MYZAP: variants seen among roughly 807,000 people sequenced by gnomAD.
The protein encoded by MYZAP is GRINL1A complex locus upstream.
MYZAP carries 66 observed loss-of-function variants against 69.4 expected under a neutral mutation model. That is an observed-to-expected ratio of 0.95 (90% CI 0.78 to 1.17). MYZAP has a LOEUF of 1.17. Ranked by LOEUF, MYZAP falls within the 50% of genes most tolerant of loss-of-function variation. MYZAP has a pLI of 0.00. For missense variants in MYZAP, 611 were observed against 556.2 expected (o/e 1.10, Z -0.99); for synonymous variants, 256 against 205.9 (o/e 1.24, Z -2.09).
At chr15:57,627,902 C>A (rs1394715917) in intron 5 of MYZAP, among the ~76,000 whole-genome samples, 7 of 152,112 alleles carry the variant, frequency 4.6e-5, no homozygotes, top group African/African-American at 1.7e-4. Flanking sequence ...CCTTGAAGCT[C>A]AAATGTTCTG....
chr15:57,642,502 C>T lies in MYZAP; in HGVS notation c.1119+2957C>T, dbSNP rs565538018. On this transcript the variant is annotated intron_variant, in intron 10 of 12. Coordinates refer to ENST00000267853, the MANE Select transcript of MYZAP (RefSeq NM_001018100.5). ...GCATATAGGCAGCCTTTAAGTGTAG[C>T]GGATGTTAAGGACCCTTTTTCTTCC... Among the ~76,000 whole-genome samples, 9 of 152,254 alleles carry T rather than the reference C, an allele frequency of 5.9e-5. No homozygotes were observed. In the East Asian group the frequency reaches 7.7e-4, roughly 13 times the overall value.
intron 7 of MYZAP, 53 bp downstream of exon 7, chr15:57,632,612 ATTG>A: frequency 6.2e-7 from 1 of 1,607,748 alleles, no homozygotes. Flanking sequence ...TTGGTTCATT[ATTG>A]TTGGTGATGT....
At position 57,639,450 on chromosome 15, in the gene MYZAP, T is replaced by C. The variant is rs1304380147; in HGVS notation, c.1024T>C (p.Leu342=). The stretch of plus-strand genomic sequence containing the variant: ...TCCTATTTGTGTTAGGTATCAGCAG[T>C]TGGAGGAGGCATCAGCCAGCCTCCG... The part of the protein sequence containing the change: ...TDSDKERYQQ[L]EEASASLRER... The change falls in exon 10 of 13, where the codon TTG becomes CTG. Residue 342 remains leucine, a synonymous_variant. Coordinates refer to ENST00000267853, the MANE Select transcript of MYZAP (RefSeq NM_001018100.5). The C allele has an allele frequency of 6.2e-7, 1 of 1,613,944 alleles. No homozygotes were observed. The highest frequency in any genetic ancestry group is 1.3e-5 in the African/African-American group (1 of 74,934).
At position 57,657,025 on chromosome 15, in the gene MYZAP, C is replaced by T. The variant is rs146287913; in HGVS notation, c.1120-4425C>T. Among the ~76,000 whole-genome samples, 23 of 152,276 alleles carry T rather than the reference C, an allele frequency of 1.5e-4. No individual in the cohort carries two copies. The East Asian group carries it at 4.4e-3, about 29-fold the overall frequency. On this transcript the variant is annotated intron_variant, in intron 10 of 12. Transcript: ENST00000267853. ...AGACCTTCTCTCTATAGCACTCTCT[C>T]TAGGTGATGTATTAACCATTCACTG...
At chr15:57,683,846 G>A (rs776165202) in intron 12 of MYZAP, among the ~76,000 whole-genome samples, 2 of 151,734 alleles carry the variant, frequency 1.3e-5, no homozygotes, top group Admixed American at 1.3e-4. Context: ...CCAGGCTGGA[G>A]TGCAGTGGCA....
intron 2 of MYZAP, 69 bp downstream of exon 2, chr15:57,604,424 C>T: frequency 6.5e-7 from 1 of 1,549,918 alleles, no homozygotes; most frequent in South Asian, 1.2e-5. Context: ...TCTCCCATCT[C>T]CTAACCAGGC....
At chr15:57,638,069 A>G (rs1334378618) in intron 9 of MYZAP, among the ~76,000 whole-genome samples, 6 of 152,210 alleles carry the variant, frequency 3.9e-5, no homozygotes, top group African/African-American at 9.7e-5. Flanking sequence ...CACAGGATAC[A>G]CCTTGTTGAT....
rs59442912 is a variant in MYZAP, at chr15:57,623,732, C to CAA, written c.412-2036_412-2035dup. On this transcript the variant is annotated intron_variant, in intron 4 of 12. Coordinates refer to ENST00000267853, the MANE Select transcript of MYZAP (RefSeq NM_001018100.5). ...TGGGTGACAGAGTGAGACCCTGTTTCAAAAAAAAAAAATAAGGGAAAGTAA... is the reference window on the plus strand; with the variant it reads ...TGGGTGACAGAGTGAGACCCTGTTTCAAAAAAAAAAAAAATAAGGGAAAGTAA... Among the ~76,000 whole-genome samples, 205 of 119,876 alleles carry CAA rather than the reference C, an allele frequency of 1.7e-3. 1 individual carries two copies. The highest frequency in any genetic ancestry group is 8.2e-3 in the South Asian group (31 of 3,760). The allele number at this position is 119,876 out of a possible 152,430, so 78.6% of individuals were successfully genotyped here.
intron 8 of MYZAP, among the ~76,000 whole-genome samples, chr15:57,634,330 A>G (rs2036683905): frequency 6.6e-6 from 1 of 152,054 alleles, no homozygotes; most frequent in Admixed American, 6.5e-5. Context: ...AAGAAGGAAG[A>G]GAAGGAAGAG....
chr15:57,681,585 A>G (rs2039446059), intron 12 of MYZAP, among the ~76,000 whole-genome samples: 1 of 152,152 alleles, frequency 6.6e-6, no homozygotes, highest in African/African-American at 2.4e-5. Context: ...GGGGTTCAAG[A>G]CCAGACTGGC....
intron 11 of MYZAP, among the ~76,000 whole-genome samples, chr15:57,672,924 C>T (rs921246854): frequency 6.6e-6 from 1 of 152,108 alleles, no homozygotes; most frequent in Non-Finnish European, 1.5e-5. Context: ...CTTAGCACAT[C>T]GTTCTATTAT....
intron 10 of MYZAP, among the ~76,000 whole-genome samples, chr15:57,643,934 C>G (rs2037306875): frequency 6.6e-6 from 1 of 152,204 alleles, no homozygotes; most frequent in Non-Finnish European, 1.5e-5. Context: ...CAATTACACT[C>G]TACCCCACTT....
At chr15:57,640,595 TA>T (rs1264550033) in intron 10 of MYZAP, among the ~76,000 whole-genome samples, 2 of 152,218 alleles carry the variant, frequency 1.3e-5, no homozygotes. Context: ...AATGGAAGAT[TA>T]AAATATATCT....
chr15:57,604,399 A>G (rs1391953195), intron 2 of MYZAP, 44 bp downstream of exon 2: 2 of 1,609,366 alleles, frequency 1.2e-6, no homozygotes. Flanking sequence ...TCCAGCCTCT[A>G]TACCCTTAAC....
At chr15:57,616,235 C>A (rs1282614128) in intron 2 of MYZAP, among the ~76,000 whole-genome samples, 5 of 152,186 alleles carry the variant, frequency 3.3e-5, no homozygotes, top group African/African-American at 1.2e-4. Context: ...GCTTTGTGGG[C>A]CAGGCAAGGT....
intron 2 of MYZAP, among the ~76,000 whole-genome samples, chr15:57,605,695 C>T (rs1230176821): frequency 1.3e-5 from 2 of 152,050 alleles, no homozygotes; most frequent in Admixed American, 6.5e-5. Flanking sequence ...GCTGATCTGC[C>T]TAAAAAGAGT....
At chr15:57,594,368 G>A (rs184022768) in intron 1 of MYZAP, among the ~76,000 whole-genome samples, 622 of 152,240 alleles carry the variant, frequency 4.1e-3, no homozygotes, top group Non-Finnish European at 7.6e-3. Context: ...CAACTGCCTC[G>A]GCCTCCCAAA....
intron 10 of MYZAP, among the ~76,000 whole-genome samples, chr15:57,656,938 C>A (rs1384603962): frequency 6.6e-6 from 1 of 152,198 alleles, no homozygotes; most frequent in Admixed American, 6.5e-5. Context: ...AGCTCCTTCT[C>A]CCCAGAACCA....
At chr15:57,602,179 C>T (rs1400020077) in intron 1 of MYZAP, among the ~76,000 whole-genome samples, 2 of 152,110 alleles carry the variant, frequency 1.3e-5, no homozygotes, top group African/African-American at 4.8e-5. Flanking sequence ...AACCTGCCAA[C>T]CAGACTGGGA....
Sources: gnomAD v4.1 joint callset for allele counts (sites outside exome capture counted in the v4.1 genomes callset) on GRCh38, gnomAD v4.1.1 for gene constraint, MANE v1.5 for transcripts, NCBI Gene and HGNC (gene_info 2026-07-23, HGNC 2026-07-21) for gene names.